Variants in RARB observed in about 807,000 individuals in gnomAD.
RARB encodes retinoic acid receptor beta.
In RARB, 17 loss-of-function variants were observed where a neutral mutation model predicts 51.9. The observed-to-expected ratio is 0.33, with a 90% CI of 0.22 to 0.49. The LOEUF (loss-of-function observed/expected upper bound fraction) is 0.49, where lower values mean the gene tolerates loss of function less well. Among genes scored for constraint, RARB ranks in the 20% least tolerant of loss-of-function variants. The pLI, the probability that RARB is intolerant of heterozygous loss-of-function variation, is 0.99. For missense variants in RARB, 369 were observed against 550.8 expected (o/e 0.67, Z 3.30); for synonymous variants, 215 against 195.4 (o/e 1.10, Z -0.84).
intron 3 of RARB, among the ~76,000 whole-genome samples, chr3:25,104,731 G>A (rs1428771713): frequency 6.6e-6 from 1 of 152,184 alleles, no homozygotes; most frequent in East Asian, 1.9e-4. Flanking sequence ...TGTTAGACAT[G>A]ATAAATTAGG....
chr3:24,860,464 A>G (rs186296726), intron 2 of RARB, among the ~76,000 whole-genome samples: 31 of 152,236 alleles, frequency 2.0e-4, no homozygotes, highest in Admixed American at 2.0e-4. Context: ...CTTCTCTGTG[A>G]TTAAAGGGGT....
At chr3:25,100,772 C>G (rs372826973) in intron 3 of RARB, among the ~76,000 whole-genome samples, 2 of 152,102 alleles carry the variant, frequency 1.3e-5, no homozygotes, top group Non-Finnish European at 2.9e-5. Context: ...CACTCGGTCA[C>G]GTGTCAAAAG....
intron 2 of RARB, among the ~76,000 whole-genome samples, chr3:24,909,927 A>G (rs1694954797): frequency 6.6e-6 from 1 of 152,150 alleles, no homozygotes; most frequent in Non-Finnish European, 1.5e-5. Flanking sequence ...TCTCCACAGT[A>G]AAGTGTCGAA....
intron 2 of RARB, among the ~76,000 whole-genome samples, chr3:25,037,007 C>T (rs1332395691): frequency 2.6e-5 from 4 of 152,178 alleles, no homozygotes; most frequent in Admixed American, 2.0e-4. Flanking sequence ...TATTTCCCTC[C>T]TGTCAAAATT....
At chr3:25,206,582 T>G (rs1701553196) in intron 5 of RARB, among the ~76,000 whole-genome samples, 1 of 151,992 alleles carries the variant, frequency 6.6e-6, no homozygotes, top group African/African-American at 2.4e-5. Flanking sequence ...TTCAGATCAT[T>G]TATCTTTCTA....
At chr3:25,264,085 T>C (rs1427960028) in intron 5 of RARB, among the ~76,000 whole-genome samples, 1 of 148,026 alleles carries the variant, frequency 6.8e-6, no homozygotes, top group Non-Finnish European at 1.5e-5. Context: ...ACTAATAATA[T>C]ATATTTCCCA....
Position 25,127,245 on chromosome 3 carries a change from G to A in RARB, c.-327-4916G>A, listed in dbSNP as rs140660453. On this transcript the variant is annotated intron_variant, in intron 3 of 11. Coordinates refer to the RARB transcript ENST00000383772. ...TGACTGTGGCATACAAGAGATACCTGATCTGGCCCTGCAAACCTCCCTCAC... is the reference window on the plus strand; with the variant it reads ...TGACTGTGGCATACAAGAGATACCTAATCTGGCCCTGCAAACCTCCCTCAC... Among the ~76,000 whole-genome samples, 389 of 152,206 alleles carry A rather than the reference G, an allele frequency of 2.6e-3. 1 individual carries two copies. The highest frequency in any genetic ancestry group is 8.9e-3 in the African/African-American group (368 of 41,540).
At chr3:24,999,785 C>G (rs1280997443) in intron 2 of RARB, among the ~76,000 whole-genome samples, 1 of 152,074 alleles carries the variant, frequency 6.6e-6, no homozygotes, top group Non-Finnish European at 1.5e-5. Context: ...TATCCCACTC[C>G]CTCACTCTAT....
chr3:25,007,288 T>C (rs1018360152), intron 2 of RARB, among the ~76,000 whole-genome samples: 10 of 152,128 alleles, frequency 6.6e-5, no homozygotes, highest in African/African-American at 2.4e-4. Flanking sequence ...ACCTAATTAA[T>C]AAAGGATGTT....
At chr3:25,125,015 C>A (rs1238776211) in intron 3 of RARB, among the ~76,000 whole-genome samples, 1 of 152,116 alleles carries the variant, frequency 6.6e-6, no homozygotes, top group East Asian at 1.9e-4. Context: ...GATAAAAATT[C>A]TTGATTGAGA....
rs569393889 is a variant in RARB at position 24,884,150 on chromosome 3, T to C, written c.-380+25398T>C. Among the ~76,000 whole-genome samples the C allele has an allele frequency of 8.5e-5, 13 of 152,298 alleles. No homozygotes were observed. The East Asian group carries it at 2.5e-3, about 29-fold the overall frequency. On this transcript the variant is annotated intron_variant, in intron 2 of 11. Coordinates refer to the RARB transcript ENST00000383772. ...ATAAAACTTTTAAGGAAAATAAAGC[T>C]CTATAGCAGGTGTCCATAAAAGTGC...
rs148630213 is a variant in RARB at position 25,199,624 on chromosome 3, T to A, written c.178+25049T>A. Reference sequence around the variant, plus strand: ...CCCGACACCACAACAGGCACTGGTGTGTGATGTTCCCCTTCCTGTGTCCAT... The same window carrying A: ...CCCGACACCACAACAGGCACTGGTGAGTGATGTTCCCCTTCCTGTGTCCAT... On this transcript the variant is annotated intron_variant, in intron 5 of 11. Coordinates refer to the RARB transcript ENST00000383772. Among the ~76,000 whole-genome samples the A allele has an allele frequency of 6.8e-3, 1,042 of 152,216 alleles. 7 individuals are homozygous for A. The highest frequency in any genetic ancestry group is 0.013 in the Admixed American group (192 of 15,266).
At chr3:25,575,115 A>C (rs375991453) in intron 4 of RARB, among the ~76,000 whole-genome samples, 1 of 152,166 alleles carries the variant, frequency 6.6e-6, no homozygotes. Context: ...GGGCTTGGGG[A>C]TAGTTTCAGG....
At chr3:25,454,388 A>G (rs948865179) in intron 1 of RARB, among the ~76,000 whole-genome samples, 1 of 152,248 alleles carries the variant, frequency 6.6e-6, no homozygotes, top group Non-Finnish European at 1.5e-5. Flanking sequence ...ACCAAACGCA[A>G]CTTTGCTCTT....
chr3:25,268,262 G>A (rs1379067711), intron 5 of RARB, among the ~76,000 whole-genome samples: 1 of 151,948 alleles, frequency 6.6e-6, no homozygotes, highest in African/African-American at 2.4e-5. Flanking sequence ...CACCATTGAA[G>A]GGCTGGTTCA....
chr3:25,220,265 A>G (rs980790255), intron 5 of RARB, among the ~76,000 whole-genome samples: 1 of 152,212 alleles, frequency 6.6e-6, no homozygotes, highest in Non-Finnish European at 1.5e-5. Context: ...CTGTTAGGAA[A>G]ACAGAACAAT....
At chr3:24,918,193 G>A (rs768075999) in intron 2 of RARB, among the ~76,000 whole-genome samples, 1 of 152,088 alleles carries the variant, frequency 6.6e-6, no homozygotes, top group African/African-American at 2.4e-5. Flanking sequence ...CGGTACCTCC[G>A]TACAATGGCA....
intron 2 of RARB, among the ~76,000 whole-genome samples, chr3:24,880,893 C>T (rs1703146108): frequency 6.6e-6 from 1 of 152,152 alleles, no homozygotes; most frequent in South Asian, 2.1e-4. Context: ...ATGTCTATTA[C>T]AATAAAGATT....
At chr3:25,056,485 A>G (rs1225339505) in intron 2 of RARB, among the ~76,000 whole-genome samples, 1 of 152,186 alleles carries the variant, frequency 6.6e-6, no homozygotes, top group Non-Finnish European at 1.5e-5. Flanking sequence ...GGACAATTAC[A>G]GAAAACTTTC....
Sources: gnomAD v4.1 joint callset for allele counts (sites outside exome capture counted in the v4.1 genomes callset) on GRCh38, gnomAD v4.1.1 for gene constraint, MANE v1.5 for transcripts, NCBI Gene and HGNC (gene_info 2026-07-23, HGNC 2026-07-21) for gene names.